BCLAF3: variants seen among roughly 807,000 people sequenced by gnomAD.
The protein encoded by BCLAF3 is BCLAF1 and THRAP3 family member 3.
A neutral mutation model predicts 51.2 loss-of-function variants in BCLAF3; 24 were observed. The observed-to-expected ratio is 0.47, with a 90% confidence interval of 0.34 to 0.66. The LOEUF (loss-of-function observed/expected upper bound fraction) is 0.66, where lower values mean the gene tolerates loss of function less well. Among genes scored for constraint, BCLAF3 ranks in the 30% least tolerant of loss-of-function variants. The pLI is 0.01. For synonymous variants in BCLAF3, 152 were observed against 176.6 expected (o/e 0.86, Z 1.10); for missense variants, 465 against 525.1 (o/e 0.89, Z 1.12).
intron 11 of BCLAF3, among the ~76,000 whole-genome samples, chrX:19,922,610 T>C (rs2070205802): frequency 9.0e-6 from 1 of 111,114 alleles, no homozygotes; most frequent in Non-Finnish European, 1.9e-5. Context: ...TAAAATTCTA[T>C]GGAGGGGCCA....
At chrX:19,985,500 T>G (rs2072769062) in intron 1 of BCLAF3, among the ~76,000 whole-genome samples, 1 of 110,717 alleles carries the variant, frequency 9.0e-6, no homozygotes, top group African/African-American at 3.3e-5. Flanking sequence ...GCAGGGGGAT[T>G]GCTAAAGCCC....
At chrX:19,973,413 AAACT>A (rs1474148001) in intron 1 of BCLAF3, among the ~76,000 whole-genome samples, 1 of 112,058 alleles carries the variant, frequency 8.9e-6, no homozygotes, top group Non-Finnish European at 1.9e-5. Flanking sequence ...AAGCTCAAGA[AAACT>A]AATAACCCAA....
chrX:19,917,974 C>T (rs947643789), intron 11 of BCLAF3: 3 of 111,683 alleles, frequency 2.7e-5, no homozygotes, highest in African/African-American at 9.7e-5. Flanking sequence ...ACAAACTGGA[C>T]ATAAGACCAT....
chrX:19,981,162 C>T (rs778272755), intron 1 of BCLAF3, among the ~76,000 whole-genome samples: 2 of 110,909 alleles, frequency 1.8e-5, no homozygotes, highest in East Asian at 5.6e-4. Context: ...TGGATATCGA[C>T]AAGCAAAAGG....
chrX:19,938,252 C>A (rs1181282487), intron 8 of BCLAF3, among the ~76,000 whole-genome samples: 1 of 110,662 alleles, frequency 9.0e-6, no homozygotes, highest in Non-Finnish European at 1.9e-5. Context: ...CTTCTGCAGG[C>A]CCACCTTCAC....
Position 19,922,869 on chromosome X carries a change from C to T in BCLAF3, c.2107-5535G>A, listed in dbSNP as rs754104996. On this transcript the variant is annotated intron_variant, in intron 11 of 11. Coordinates refer to ENST00000379682, the MANE Select transcript of BCLAF3 (RefSeq NM_001367774.2). ...AAGCCGAGATCGCGCCACTGCACTC[C>T]AGCCTGGGTGACAGAGACTCCATCT... 4.6e-5 allele frequency among the ~76,000 whole-genome samples: 5 copies of T among 109,587 alleles called. No individual in the cohort carries two copies. The East Asian group carries it at 1.4e-3, about 31-fold the overall frequency.
chrX:19,986,861 T>C (rs1469872445), intron 1 of BCLAF3, among the ~76,000 whole-genome samples: 1 of 104,607 alleles, frequency 9.6e-6, no homozygotes, highest in Non-Finnish European at 2.0e-5. Context: ...TGGTGTGCGG[T>C]AGTGCAATCA....
At chrX:19,966,757 C>T in intron 2 of BCLAF3, 108 bp from the exon 3 acceptor site, 1 of 626,901 alleles carries the variant, frequency 1.6e-6, no homozygotes, top group African/African-American at 2.2e-5. Context: ...GCTTCTTCCA[C>T]TCAAACTAAA....
chrX:19,980,763 C>T (rs2072584180), intron 1 of BCLAF3, among the ~76,000 whole-genome samples: 2 of 109,655 alleles, frequency 1.8e-5, no homozygotes, highest in Admixed American at 9.8e-5. Context: ...CATGGTGAAA[C>T]CCCATCTCTA....
intron 5 of BCLAF3, among the ~76,000 whole-genome samples, chrX:19,954,812 G>C (rs1479930482): frequency 7.1e-5 from 8 of 112,075 alleles, no homozygotes; most frequent in Non-Finnish European, 1.3e-4. Flanking sequence ...GGGGAAAGTT[G>C]TTCTATATCA....
At chrX:19,942,065 T>A (rs1288184219) in intron 8 of BCLAF3, among the ~76,000 whole-genome samples, 7 of 79,818 alleles carry the variant, frequency 8.8e-5, no homozygotes, top group Non-Finnish European at 1.6e-4. Flanking sequence ...ATGATTTGGC[T>A]CTCTGTTTGT....
At chrX:19,963,352 T>C (rs1421219625) in intron 4 of BCLAF3, among the ~76,000 whole-genome samples, 3 of 108,820 alleles carry the variant, frequency 2.8e-5, no homozygotes, top group Non-Finnish European at 5.7e-5. Flanking sequence ...GCCCTTAAGG[T>C]AACATTCTTA....
intron 7 of BCLAF3, among the ~76,000 whole-genome samples, chrX:19,951,595 CAAA>C (rs58442337): frequency 7.9e-5 from 3 of 38,010 alleles, no homozygotes; most frequent in Admixed American, 3.4e-4. Context: ...GACTCTGTCG[CAAA>C]AAAAAAAAAA....
Position 19,953,815 on chromosome X carries a change from T to C in BCLAF3, c.1528A>G (p.Asn510Asp). Reference sequence around the variant, plus strand: ...GGATCTGAATTCAATGGAATTTCATTTACATCTGCCTTGTGTATATCTTGC... The same window carrying C: ...GGATCTGAATTCAATGGAATTTCATCTACATCTGCCTTGTGTATATCTTGC... ...TMQDIHKADV[N>D]EIPLNSDPEI... The change falls in exon 6 of 12, where the codon AAT becomes GAT. Residue 510 changes from asparagine (N) to aspartate (D), a missense_variant. By Grantham distance (23) the Asn-to-Asp change is conservative. Coordinates refer to ENST00000379682, the MANE Select transcript of BCLAF3 (RefSeq NM_001367774.2). The C allele has an allele frequency of 1.7e-6, 2 of 1,206,660 alleles. No individual in the cohort carries two copies. Among genetic ancestry groups the C allele is most frequent in the Non-Finnish European group, 1.1e-6 (1 of 891,696 alleles).
At chrX:19,951,771 T>C (rs954921448) in intron 7 of BCLAF3, among the ~76,000 whole-genome samples, 2 of 109,365 alleles carry the variant, frequency 1.8e-5, no homozygotes, top group Admixed American at 9.8e-5. Flanking sequence ...CCACAAAAAA[T>C]ACAAAAATTA....
At chrX:19,982,288 CAACA>C (rs999884221) in intron 1 of BCLAF3, among the ~76,000 whole-genome samples, 2 of 110,300 alleles carry the variant, frequency 1.8e-5, no homozygotes, top group Non-Finnish European at 3.8e-5. Flanking sequence ...CCAACAACAA[CAACA>C]AACAAACAAA....
In BCLAF3 at chrX:19,929,649, T is replaced by C. The variant is rs73631376; in HGVS notation, c.2106+136A>G. Reference sequence around the variant, plus strand: ...TTACTCCCTGAAGATCTTATTCAACTATCATGCAACAAGAACATTTAAAAA... The same window carrying C: ...TTACTCCCTGAAGATCTTATTCAACCATCATGCAACAAGAACATTTAAAAA... On this transcript the variant is annotated intron_variant, in intron 11 of 11. Coordinates refer to ENST00000379682, the MANE Select transcript of BCLAF3 (RefSeq NM_001367774.2). 229 of 568,462 alleles carry C rather than the reference T, an allele frequency of 4.0e-4. No individual in the cohort carries two copies. The African/African-American group carries it at 4.4e-3, about 11-fold the overall frequency. 46.8% of individuals were successfully genotyped at this position (568,462 alleles called of 1,213,427 possible). A position where few individuals can be genotyped will look rare whatever the true frequency, so the allele number is the denominator to read the frequency against.
chrX:19,963,047 T>C (rs1228073965), intron 4 of BCLAF3, among the ~76,000 whole-genome samples: 3 of 108,060 alleles, frequency 2.8e-5, no homozygotes, highest in East Asian at 2.9e-4. Flanking sequence ...ATCGCGCCAC[T>C]GCACTCCAGC....
chrX:19,922,752 TA>T (rs917793488), intron 11 of BCLAF3, among the ~76,000 whole-genome samples: 2 of 110,672 alleles, frequency 1.8e-5, no homozygotes, highest in African/African-American at 6.6e-5. Context: ...TATAAAAACT[TA>T]GCCGGGCATT....
Sources: gnomAD v4.1 joint callset for allele counts (sites outside exome capture counted in the v4.1 genomes callset) on GRCh38, gnomAD v4.1.1 for gene constraint, MANE v1.5 for transcripts, NCBI Gene and HGNC (gene_info 2026-07-23, HGNC 2026-07-21) for gene names.